Variants in MTF1 observed in about 807,000 individuals in gnomAD.
MTF1 encodes the protein MRE-binding transcription factor.
Under a neutral mutation model 70.4 loss-of-function variants are expected in MTF1, and 22 were observed. The ratio of observed to expected loss-of-function variants is 0.31; its 90% CI spans 0.22 to 0.45. MTF1 has a LOEUF of 0.45. Among genes scored for constraint, MTF1 ranks in the 20% least tolerant of loss-of-function variants. MTF1 has a pLI of 1.00. For missense variants in MTF1, 649 were observed against 922.0 expected, an observed-to-expected ratio of 0.70 and a Z score of 3.83; for synonymous variants, 333 against 352.8, an observed-to-expected ratio of 0.94 and a Z score of 0.63.
intron 2 of MTF1, among the ~76,000 whole-genome samples, chr1:37,856,386 C>G (rs987840261): frequency 9.2e-5 from 14 of 151,724 alleles, no homozygotes; most frequent in African/African-American, 3.4e-4. Flanking sequence ...CCATGTTGGC[C>G]AGGGTGCTCT....
intron 2 of MTF1, among the ~76,000 whole-genome samples, chr1:37,844,449 T>C (rs905683941): frequency 6.6e-6 from 1 of 152,222 alleles, no homozygotes; most frequent in Non-Finnish European, 1.5e-5. Flanking sequence ...TAATACTTAC[T>C]ATACCACTCA....
At chr1:37,838,545 C>G in intron 4 of MTF1, 80 bp downstream of exon 4, 1 of 1,327,926 alleles carries the variant, frequency 7.5e-7, no homozygotes, top group East Asian at 2.4e-5. Context: ...AGTTTTCTTT[C>G]TTTTTTGAAA....
At position 37,835,759 on chromosome 1, in the gene MTF1, GA is replaced by G; in HGVS notation, c.780-16del. ...CGTGATCGCACCTAAATTTGTTAAG[GA>G]AAGAGAAACAGGAGTCATTAGCTAA... On this transcript the variant is annotated splice_polypyrimidine_tract_variant and intron_variant, in intron 4 of 10. Coordinates refer to ENST00000373036, the MANE Select transcript of MTF1 (RefSeq NM_005955.3). 6.2e-7 allele frequency: 1 copy of G among 1,611,012 alleles called. No homozygotes were observed. Among genetic ancestry groups the G allele is most frequent in the Non-Finnish European group, 8.5e-7 (1 of 1,177,232 alleles).
At chr1:37,859,390 T>G in intron 1 of MTF1, 141 bp downstream of exon 1, 1 of 397,186 alleles carries the variant, frequency 2.5e-6, no homozygotes, top group East Asian at 3.6e-5. Flanking sequence ...TGGATACCCA[T>G]CCCCATGGAA....
In MTF1 at chr1:37,857,408, A is replaced by T; in HGVS notation, c.251T>A (p.Ile84Lys). ...ACCCTGGGACATTGCTTCATGATCT[A>T]TCAGGTGAAAGCCCTCTTCACCCCC... ...LVGGEEGFHLIDHEAMSQGYV... is the reference protein window; with the variant it reads ...LVGGEEGFHLKDHEAMSQGYV... Residue 84 changes from isoleucine to lysine, a missense_variant, in exon 2 of 11, where the codon ATA becomes AAA. Physicochemically the swap from Ile to Lys is moderately radical, Grantham distance 102 (BLOSUM62 -3). This residue lies in a region of MTF1 where 44 missense variants were observed against 38.1 expected (regional missense o/e 1.15). Coordinates refer to ENST00000373036, the MANE Select transcript of MTF1 (RefSeq NM_005955.3). The T allele has an allele frequency of 6.2e-7, 1 of 1,614,176 alleles. No homozygotes were observed. Among genetic ancestry groups the T allele is most frequent in the Non-Finnish European group, 8.5e-7 (1 of 1,180,040 alleles).
intron 2 of MTF1, among the ~76,000 whole-genome samples, chr1:37,847,750 C>CT (rs771505888): frequency 9.9e-5 from 15 of 152,164 alleles, no homozygotes; most frequent in Non-Finnish European, 1.9e-4. Flanking sequence ...TCACCTAGCA[C>CT]TTTGGGAGGC....
At chr1:37,852,928 G>T (rs949782859) in intron 2 of MTF1, among the ~76,000 whole-genome samples, 1 of 152,154 alleles carries the variant, frequency 6.6e-6, no homozygotes, top group African/African-American at 2.4e-5. Flanking sequence ...ACTGTGCCTG[G>T]CCTATTCAAA....
chr1:37,835,807 T>C, intron 4 of MTF1, 63 bp from the exon 5 acceptor site: 2 of 411,536 alleles, frequency 4.9e-6, no homozygotes, highest in Non-Finnish European at 3.8e-6. Context: ...CCTGAACGTC[T>C]TTTTTTTTTT....
intron 7 of MTF1, among the ~76,000 whole-genome samples, chr1:37,825,167 G>A (rs1238569620): frequency 6.6e-6 from 1 of 152,184 alleles, no homozygotes; most frequent in Non-Finnish European, 1.5e-5. Flanking sequence ...GTCACCTCAA[G>A]GGCTTCAGCC....
chr1:37,849,650 A>G (rs115187703), intron 2 of MTF1, among the ~76,000 whole-genome samples: 1 of 152,186 alleles, frequency 6.6e-6, no homozygotes, highest in Non-Finnish European at 1.5e-5. Flanking sequence ...ACAGAGGTAG[A>G]TGAACAGGTA....
intron 9 of MTF1, among the ~76,000 whole-genome samples, chr1:37,821,097 G>A (rs754634641): frequency 6.6e-6 from 1 of 151,998 alleles, no homozygotes; most frequent in Admixed American, 6.6e-5. Context: ...GATGGCTTGA[G>A]CTCAAGAGGT....
chr1:37,816,244 G>C (rs1640816712), intron 10 of MTF1, among the ~76,000 whole-genome samples: 1 of 152,188 alleles, frequency 6.6e-6, no homozygotes, highest in African/African-American at 2.4e-5. Context: ...AAAGACCAAT[G>C]GGCAGGATGA....
At chr1:37,838,282 TG>T (rs1028085470) in intron 4 of MTF1, among the ~76,000 whole-genome samples, 1 of 152,226 alleles carries the variant, frequency 6.6e-6, no homozygotes, top group African/African-American at 2.4e-5. Context: ...TGTGGTTTTT[TG>T]TCACCAGACA....
intron 2 of MTF1, among the ~76,000 whole-genome samples, chr1:37,846,860 C>A (rs1177392179): frequency 2.6e-5 from 4 of 152,134 alleles, no homozygotes; most frequent in African/African-American, 9.7e-5. Flanking sequence ...ACATTTACAG[C>A]CCCCTATTCC....
At chr1:37,839,048 C>A (rs1641216661) in intron 3 of MTF1, among the ~76,000 whole-genome samples, 1 of 152,000 alleles carries the variant, frequency 6.6e-6, no homozygotes, top group Non-Finnish European at 1.5e-5. Context: ...AGGTGATCCG[C>A]CTGCCTCGGC....
chr1:37,845,661 C>T (rs545050305), intron 2 of MTF1, among the ~76,000 whole-genome samples: 12 of 152,218 alleles, frequency 7.9e-5, no homozygotes, highest in African/African-American at 2.6e-4. Context: ...TGTACCACCA[C>T]GCCTGGCTAA....
chr1:37,834,676 T>C (rs1242330852), intron 6 of MTF1: 2 of 459,748 alleles, frequency 4.4e-6, no homozygotes, highest in South Asian at 3.1e-5. Flanking sequence ...AACAGTAGAC[T>C]GAATGAAGTA....
At chr1:37,850,440 CTG>C (rs1641399321) in intron 2 of MTF1, among the ~76,000 whole-genome samples, 1 of 151,252 alleles carries the variant, frequency 6.6e-6, no homozygotes, top group Admixed American at 6.6e-5. Flanking sequence ...TCACTCCAAC[CTG>C]TGTGACACAG....
At chr1:37,854,662 A>G (rs892040942) in intron 2 of MTF1, among the ~76,000 whole-genome samples, 1 of 152,230 alleles carries the variant, frequency 6.6e-6, no homozygotes, top group Admixed American at 6.5e-5. Context: ...AATGTAGACT[A>G]TATAGTAATT....
Sources: gnomAD v4.1 joint callset for allele counts (sites outside exome capture counted in the v4.1 genomes callset) on GRCh38, gnomAD v4.1.1 for gene constraint, gnomAD v4.1.1 regional missense constraint, MANE v1.5 for transcripts, NCBI Gene and HGNC (gene_info 2026-07-23, HGNC 2026-07-21) for gene names.